Variants in PLA2G7 observed in about 807,000 individuals in gnomAD.
PLA2G7 encodes the protein platelet-activating factor acetylhydrolase.
In PLA2G7, 63 loss-of-function variants were observed where a neutral mutation model predicts 49.6. The ratio of observed to expected loss-of-function variants is 1.27; its 90% confidence interval spans 1.04 to 1.57. The LOEUF (loss-of-function observed/expected upper bound fraction) is 1.57. Ranked by LOEUF, PLA2G7 falls within the 40% of genes most tolerant of loss-of-function variation. The pLI is 0.00. For missense variants in PLA2G7, 596 were observed against 521.2 expected, an observed-to-expected ratio of 1.14 and a Z score of -1.40; for synonymous variants, 193 against 169.9, an observed-to-expected ratio of 1.14 and a Z score of -1.06.
At chr6:46,711,417 G>T in intron 7 of PLA2G7, 79 bp downstream of exon 7, 1 of 1,512,276 alleles carries the variant, frequency 6.6e-7, no homozygotes, top group Non-Finnish European at 9.2e-7. Context: ...CTTGCCAGGT[G>T]TAAAATTAAA....
chr6:46,722,840 C>G lies in PLA2G7; in HGVS notation c.52G>C (p.Val18Leu). The G allele has an allele frequency of 6.2e-7, 1 of 1,613,922 alleles. No individual in the cohort carries two copies. Among genetic ancestry groups the G allele is most frequent in the Non-Finnish European group, 8.5e-7 (1 of 1,179,844 alleles). ...TATTGCCAGTCAAAAGGATAAACCA[C>G]AGCCAGGCAGCCGCAGAGGCAGAAA... ...VLFCLCGCLA[V>L]VYPFDWQYIN... The change falls in exon 2 of 12, where the codon GTG (valine) becomes CTG (leucine). Residue 18 changes from valine (V) to leucine (L), a missense_variant. Physicochemically the swap from Val to Leu is conservative, Grantham distance 32. Transcript: ENST00000274793.
At chr6:46,724,955 T>C (rs1765524575) in intron 1 of PLA2G7, among the ~76,000 whole-genome samples, 1 of 152,210 alleles carries the variant, frequency 6.6e-6, no homozygotes, top group Admixed American at 6.5e-5. Flanking sequence ...TGGCAACAAC[T>C]GTGGTAAGTA....
At chr6:46,716,850 C>G in intron 3 of PLA2G7, 125 bp downstream of exon 3, 8 of 966,436 alleles carry the variant, frequency 8.3e-6, no homozygotes, top group Non-Finnish European at 1.2e-5. Context: ...TCATATGAAA[C>G]AATACAAATT....
chr6:46,717,709 C>CTTTTT (rs760308042), intron 2 of PLA2G7, among the ~76,000 whole-genome samples: 20 of 116,208 alleles, frequency 1.7e-4, no homozygotes, highest in East Asian at 3.0e-4. Flanking sequence ...TTTCTTTTTT[C>CTTTTT]TTTTTCTTTT....
chr6:46,712,201 A>T, intron 6 of PLA2G7, 68 bp downstream of exon 6: 2 of 992,702 alleles, frequency 2.0e-6, no homozygotes, highest in Non-Finnish European at 3.2e-6. Context: ...TGAAAATTAG[A>T]AACATAGTTA....
chr6:46,730,251 C>A (rs2150714054), intron 1 of PLA2G7, among the ~76,000 whole-genome samples: 1 of 152,300 alleles, frequency 6.6e-6, no homozygotes, highest in South Asian at 2.1e-4. Context: ...ATGTGACAGC[C>A]ACAGTCCTGT....
At chr6:46,718,663 G>A (rs1582576850) in intron 2 of PLA2G7, among the ~76,000 whole-genome samples, 1 of 152,324 alleles carries the variant, frequency 6.6e-6, no homozygotes, top group Admixed American at 6.5e-5. Flanking sequence ...ACCTTGGTCA[G>A]ATGTCCTGTC....
intron 8 of PLA2G7, 70 bp downstream of exon 8, chr6:46,710,475 G>C: frequency 1.0e-6 from 1 of 999,068 alleles, no homozygotes; most frequent in Non-Finnish European, 1.6e-6. Flanking sequence ...TTGCAATATA[G>C]CAGAAAATTA....
chr6:46,714,805 G>C (rs747644055), intron 4 of PLA2G7, among the ~76,000 whole-genome samples: 1 of 146,274 alleles, frequency 6.8e-6, no homozygotes, highest in African/African-American at 2.6e-5. Flanking sequence ...GCACAATCTC[G>C]GCTCACTGCA....
At chr6:46,710,150 T>A (rs1167974397) in intron 8 of PLA2G7, among the ~76,000 whole-genome samples, 1 of 152,162 alleles carries the variant, frequency 6.6e-6, no homozygotes, top group African/African-American at 2.4e-5. Context: ...CCACACACAC[T>A]TTTGAGTCTT....
At chr6:46,707,929 G>A (rs977866004) in intron 10 of PLA2G7, 62 bp downstream of exon 10, 13 of 1,012,544 alleles carry the variant, frequency 1.3e-5, no homozygotes, top group African/African-American at 8.0e-5. Context: ...AAATGATATC[G>A]ATTGATATTT....
intron 11 of PLA2G7, 105 bp from the exon 12 acceptor site, chr6:46,704,801 T>C (rs955674095): frequency 1.1e-5 from 8 of 735,176 alleles, no homozygotes; most frequent in Non-Finnish European, 1.9e-5. Flanking sequence ...CAAGTTCCGT[T>C]AGGATGGTAG....
At chr6:46,711,832 C>A (rs1013206688) in intron 6 of PLA2G7, among the ~76,000 whole-genome samples, 14 of 152,246 alleles carry the variant, frequency 9.2e-5, no homozygotes, top group African/African-American at 2.9e-4. Flanking sequence ...TAAACTCAAT[C>A]CATTCTATCT....
chr6:46,714,603 G>A (rs1416192318), intron 4 of PLA2G7, 50 bp from the exon 5 acceptor site: 1 of 1,085,922 alleles, frequency 9.2e-7, no homozygotes, highest in Non-Finnish European at 1.4e-6. Flanking sequence ...AGTGTTGCTA[G>A]TGAATTTAAT....
intron 5 of PLA2G7, among the ~76,000 whole-genome samples, chr6:46,713,715 G>T (rs1265715163): frequency 6.6e-6 from 1 of 152,186 alleles, no homozygotes; most frequent in Non-Finnish European, 1.5e-5. Flanking sequence ...AGTGAAGAGG[G>T]TGGTTGTTGT....
intron 2 of PLA2G7, among the ~76,000 whole-genome samples, chr6:46,722,340 A>G (rs1321209252): frequency 1.3e-5 from 2 of 152,154 alleles, no homozygotes; most frequent in East Asian, 1.9e-4. Context: ...ACTTTCCACT[A>G]TTAACCAGGA....
Position 46,714,316 on chromosome 6 carries a change from T to C in PLA2G7, c.470+144A>G, listed in dbSNP as rs1444321760. 13 of 735,332 alleles carry C rather than the reference T, an allele frequency of 1.8e-5. No individual in the cohort carries two copies. In the Admixed American group the frequency reaches 2.2e-4, roughly 13 times the overall value. 45.6% of individuals were successfully genotyped at this position (735,332 alleles called of 1,614,324 possible). A position where few individuals can be genotyped will look rare whatever the true frequency, so the allele number is the denominator to read the frequency against. ...ACCAGACAGGTCTAGGACTGATCAA[T>C]AGACCCACAGCCAATTATTGAGGAA... On this transcript the variant is annotated intron_variant, in intron 5 of 11. Coordinates refer to ENST00000274793, the MANE Select transcript of PLA2G7 (RefSeq NM_005084.4).
intron 2 of PLA2G7, among the ~76,000 whole-genome samples, chr6:46,718,193 C>G (rs1765279672): frequency 6.6e-6 from 1 of 152,220 alleles, no homozygotes; most frequent in Admixed American, 6.5e-5. Flanking sequence ...ATCCTTTACA[C>G]AGCTCCTGGA....
chr6:46,704,537 CTT>C lies in PLA2G7; in HGVS notation c.*21_*22del, dbSNP rs778182130. 1.1e-5 allele frequency: 16 copies of C among 1,406,228 alleles called. No individual in the cohort carries two copies. In the Admixed American group the frequency reaches 1.9e-4, roughly 17 times the overall value. The allele number at this position is 1,406,228 out of a possible 1,614,324, so 87.1% of individuals were successfully genotyped here. ...AATTTTAGACAGTTTTGAAACAAGA[CTT>C]TTAAAAAACCTATTTTAATCCTAAT... On this transcript the variant is annotated 3_prime_UTR_variant, in exon 12 of 12. Transcript: ENST00000274793.
Sources: gnomAD v4.1 joint callset for allele counts (sites outside exome capture counted in the v4.1 genomes callset) on GRCh38, gnomAD v4.1.1 for gene constraint, MANE v1.5 for transcripts, NCBI Gene and HGNC (gene_info 2026-07-23, HGNC 2026-07-21) for gene names.